Variants in KLRC4 observed in about 807,000 individuals in gnomAD.
KLRC4 encodes the protein NKG2-F type II integral membrane protein.
KLRC4 carries 6 observed loss-of-function variants against 14.3 expected under a neutral mutation model. The observed-to-expected ratio is 0.42, with a 90% confidence interval of 0.23 to 0.83. The LOEUF is 0.83. Among genes scored for constraint, KLRC4 ranks in the 40% least tolerant of loss-of-function variants. The probability of loss-of-function intolerance (pLI) is 0.29; values close to 1 mark genes in which losing one functional copy is unlikely to be tolerated. For missense variants in KLRC4, 158 were observed against 179.4 expected (o/e 0.88, Z 0.68); for synonymous variants, 53 against 60.5 (o/e 0.88, Z 0.57).
Position 10,407,428 on chromosome 12 carries a change from G to T in KLRC4, c.*225C>A. 1 of 468,070 alleles carries T rather than the reference G, an allele frequency of 2.1e-6. No homozygotes were observed. The highest frequency in any genetic ancestry group is 4.1e-5 in the South Asian group (1 of 24,400). 29.0% of individuals were successfully genotyped at this position (468,070 alleles called of 1,614,324 possible). A position where few individuals can be genotyped will look rare whatever the true frequency, so the allele number is the denominator to read the frequency against. ...TTTTGTGATAAAAACATTTATAGAA[G>T]CATGGGTTTCCATGAAAAGCAAAAC... On this transcript the variant is annotated 3_prime_UTR_variant, in exon 4 of 4. Coordinates refer to ENST00000309384, the MANE Select transcript of KLRC4 (RefSeq NM_013431.2).
At position 10,409,620 on chromosome 12, in the gene KLRC4, C is replaced by T. The variant is rs201530762; in HGVS notation, c.-45G>A. On this transcript the variant is annotated 5_prime_UTR_variant, in exon 1 of 4. Coordinates refer to ENST00000309384, the MANE Select transcript of KLRC4 (RefSeq NM_013431.2). ...CAGGGACTGTGCTCTATGATAACTG[C>T]ACTTAAGAAGCTATAAGTGGTGTAT... 1.3e-6 allele frequency: 2 copies of T among 1,567,812 alleles called. No individual in the cohort carries two copies. The highest frequency in any genetic ancestry group is 2.7e-5 in the African/African-American group (2 of 72,748).
At chr12:10,407,857 C>A (rs2137846828) in intron 3 of KLRC4, 68 bp from the exon 4 acceptor site, 6 of 1,545,562 alleles carry the variant, frequency 3.9e-6, no homozygotes, top group Admixed American at 2.0e-5. Flanking sequence ...TATATATTTG[C>A]AAAGCTATAA....
intron 3 of KLRC4, 102 bp from the exon 4 acceptor site, chr12:10,407,891 A>C: frequency 7.0e-7 from 1 of 1,428,760 alleles, no homozygotes; most frequent in Non-Finnish European, 9.4e-7. Flanking sequence ...CAATATCTGC[A>C]TCCTCATAAG....
chr12:10,409,051 G>C, intron 1 of KLRC4, 41 bp from the exon 2 acceptor site: 1 of 1,608,698 alleles, frequency 6.2e-7, no homozygotes, highest in Non-Finnish European at 8.5e-7. Context: ...GGGAGATAGA[G>C]AGTTGATGAG....
Position 10,408,405 on chromosome 12 carries a change from T to C in KLRC4, c.287-23A>G, listed in dbSNP as rs542476888. The C allele has an allele frequency of 8.4e-6, 10 of 1,195,872 alleles. No homozygotes were observed. In the African/African-American group the frequency reaches 1.4e-4, roughly 16 times the overall value. The allele number at this position is 1,195,872 out of a possible 1,614,324, so 74.1% of individuals were successfully genotyped here. On this transcript the variant is annotated intron_variant, in intron 2 of 3. Transcript: ENST00000309384. ...TACCTAGAAAAATTAAAGTGATTCTTACAAAATTAATATCTAGACAAATTA... is the reference window on the plus strand; with the variant it reads ...TACCTAGAAAAATTAAAGTGATTCTCACAAAATTAATATCTAGACAAATTA...
At chr12:10,408,678 CTCTG>C (rs372489994) in intron 2 of KLRC4, among the ~76,000 whole-genome samples, 2,273 of 152,114 alleles carry the variant, frequency 0.015, 43 homozygotes, top group African/African-American at 0.05. Context: ...GAATACATCT[CTCTG>C]TGTGTGTATC....
In KLRC4 at chr12:10,407,661, A is replaced by G. The variant is rs1181105123; in HGVS notation, c.469T>C (p.Phe157Leu). ...CATTTCTTCCTCATTATCTATAGAAAGCAGATCAGAGTTCTTCGAAGCACA... is the reference window on the plus strand; with the variant it reads ...CATTTCTTCCTCATTATCTATAGAAGGCAGATCAGAGTTCTTCGAAGCACA... ...WPVLRRTLIC[F>L]L The change falls in exon 4 of 4, where the codon TTT (phenylalanine) becomes CTT (leucine). Residue 157 changes from phenylalanine to leucine, a missense_variant. Transcript: ENST00000309384. The G allele has an allele frequency of 6.2e-7, 1 of 1,613,372 alleles. No individual in the cohort carries two copies. Among genetic ancestry groups the G allele is most frequent in the South Asian group, 1.1e-5 (1 of 90,912 alleles).
rs112429327 is a variant in KLRC4, at chr12:10,408,345, A to C, written c.324T>G (p.Asn108Lys). ...ATAATGTACCTTTCTGCATTCTTCT[A>C]TTCAGGGAAAAATTGTTCTGCTCCA... Reference protein sequence around the residue: ...GVLEQNNFSLNRRMQKARHCG... With the variant: ...GVLEQNNFSLKRRMQKARHCG... The change falls in exon 3 of 4, where the codon AAT becomes AAG. Residue 108 changes from asparagine to lysine, a missense_variant. By Grantham distance (94) the Asn-to-Lys change is moderately conservative (BLOSUM62 0). Transcript: ENST00000309384. The C allele has an allele frequency of 2.0e-6, 3 of 1,510,906 alleles. No homozygotes were observed. In the Admixed American group the frequency reaches 5.2e-5, roughly 26 times the overall value. The allele number at this position is 1,510,906 out of a possible 1,614,324, so 93.6% of individuals were successfully genotyped here.
rs1565500380 is a variant in KLRC4 at position 10,408,988 on chromosome 12, C to T, written c.210G>A (p.Lys70=). Residue 70 remains lysine (K), a synonymous_variant, in exon 2 of 4, where the codon AAG becomes AAA. Coordinates refer to ENST00000309384, the MANE Select transcript of KLRC4 (RefSeq NM_013431.2). ...TGATTCCTAGGACCTCAGCAGTGAG[C>T]TTCTCTGGAGGTGGCAGTAAACCTG... is the stretch of plus-strand genomic sequence containing the variant. ...HCKGLLPPPE[K]LTAEVLGIIC... is the part of the protein sequence containing the mutation. The T allele has an allele frequency of 6.2e-7, 1 of 1,613,760 alleles. No individual in the cohort carries two copies. Among genetic ancestry groups the T allele is most frequent in the Non-Finnish European group, 8.5e-7 (1 of 1,179,732 alleles).
chr12:10,409,295 A>T (rs1463151543), intron 1 of KLRC4, 94 bp downstream of exon 1: 1 of 1,297,356 alleles, frequency 7.7e-7, no homozygotes, highest in Non-Finnish European at 1.1e-6. Context: ...TCTGATTCTC[A>T]CAAGTGCAAA....
chr12:10,408,631 T>G (rs993504810), intron 2 of KLRC4, among the ~76,000 whole-genome samples: 1 of 152,114 alleles, frequency 6.6e-6, no homozygotes, highest in Admixed American at 6.6e-5. Context: ...TTCTAAATAT[T>G]TTTTCTCTTA....
Position 10,409,557 on chromosome 12 carries a change from T to A in KLRC4, c.19A>T (p.Thr7Ser). MNKQRG[T>S]YSEVSLAQDP... ...TGGGCCAGACTCACTTCTGAGTAGG[T>A]TCCTCTTTGTTTATTCATCTCTGCA... Residue 7 changes from threonine to serine, a missense_variant, in exon 1 of 4, where the codon ACC (threonine) becomes TCC (serine). Thr to Ser is a moderately conservative substitution (Grantham distance 58). Coordinates refer to ENST00000309384, the MANE Select transcript of KLRC4 (RefSeq NM_013431.2). 1 of 1,612,794 alleles carries A rather than the reference T, an allele frequency of 6.2e-7. No individual in the cohort carries two copies. The highest frequency in any genetic ancestry group is 8.5e-7 in the Non-Finnish European group (1 of 1,179,606).
chr12:10,409,292 C>A, intron 1 of KLRC4, 97 bp downstream of exon 1: 1 of 1,271,346 alleles, frequency 7.9e-7, no homozygotes, highest in Non-Finnish European at 1.1e-6. Context: ...ACCTCTGATT[C>A]TCACAAGTGC....
chr12:10,408,807 T>C lies in KLRC4; in HGVS notation c.286+105A>G, dbSNP rs754680188. The C allele has an allele frequency of 6.9e-5, 96 of 1,386,926 alleles. 1 individual carries two copies. The South Asian group carries it at 7.4e-4, about 11-fold the overall frequency. The allele number at this position is 1,386,926 out of a possible 1,614,324, so 85.9% of individuals were successfully genotyped here. The stretch of plus-strand genomic sequence containing the variant: ...CATATTATCTTGGGGTTCAGAGATA[T>C]ACATTAAACAGAGAATTCTAATCCT... On this transcript the variant is annotated intron_variant, in intron 2 of 3. Coordinates refer to ENST00000309384, the MANE Select transcript of KLRC4 (RefSeq NM_013431.2).
rs1274177005 is a variant in KLRC4 at position 10,409,029 on chromosome 12, G to A, written c.188-19C>T. On this transcript the variant is annotated intron_variant, in intron 1 of 3. Transcript: ENST00000309384. ...AGTAAACCTGCAGGGAGAGAAAGAG[G>A]CACTGAGAGAGGGGAGATAGAGAGT... is the stretch of plus-strand genomic sequence containing the variant. The A allele has an allele frequency of 6.2e-7, 1 of 1,613,054 alleles. No individual in the cohort carries two copies. Among genetic ancestry groups the A allele is most frequent in the East Asian group, 2.2e-5 (1 of 44,864 alleles).
chr12:10,407,740 A>G lies in KLRC4; in HGVS notation c.390T>C (p.Ser130=). Residue 130 remains serine (S), a synonymous_variant, in exon 4 of 4, where the codon AGT becomes AGC. Coordinates refer to ENST00000309384, the MANE Select transcript of KLRC4 (RefSeq NM_013431.2). ...CPEEWITYSN[S]CYYIGKERRT... ...TTCTTTCCTTACCAATGTAATAACAACTGTTGGAATATGTAATCCACTCCT... is the reference window on the plus strand; with the variant it reads ...TTCTTTCCTTACCAATGTAATAACAGCTGTTGGAATATGTAATCCACTCCT... 1 of 1,613,854 alleles carries G rather than the reference A, an allele frequency of 6.2e-7. No homozygotes were observed.
rs922397263 is a variant in KLRC4 at position 10,408,719 on chromosome 12, CA to C, written c.286+192del. Among the ~76,000 whole-genome samples the C allele has an allele frequency of 7.9e-5, 12 of 151,442 alleles. No individual in the cohort carries two copies. The East Asian group carries it at 1.5e-3, about 19-fold the overall frequency. On this transcript the variant is annotated intron_variant, in intron 2 of 3. Transcript: ENST00000309384. ...TATATACATATATATTTAGTACACACAAAAAAATAAATGTTTTCTACAATTA... is the reference window on the plus strand; with the variant it reads ...TATATACATATATATTTAGTACACACAAAAAATAAATGTTTTCTACAATTA...
chr12:10,409,243 G>T, intron 1 of KLRC4, 146 bp downstream of exon 1: 1 of 959,142 alleles, frequency 1.0e-6, no homozygotes, highest in Non-Finnish European at 1.6e-6. Flanking sequence ...ATAAAATCAG[G>T]CTTCAGATTT....
rs1370585481 is a variant in KLRC4 at position 10,407,611 on chromosome 12, A to G, written c.*42T>C. The G allele has an allele frequency of 1.3e-6, 2 of 1,596,288 alleles. No homozygotes were observed. The highest frequency in any genetic ancestry group is 8.5e-7 in the Non-Finnish European group (1 of 1,172,606). ...TATTGACAGAAATAAGCTTTTAGTA[A>G]AGTGTTGAAACATTTACGTCTTACC... On this transcript the variant is annotated 3_prime_UTR_variant, in exon 4 of 4. Transcript: ENST00000309384.
Sources: allele counts gnomAD v4.1 joint callset (sites outside exome capture counted in the v4.1 genomes callset), GRCh38; gene constraint gnomAD v4.1.1; transcripts MANE v1.5; gene names NCBI Gene and HGNC (gene_info 2026-07-23, HGNC 2026-07-21).